Variants in FHIT observed in about 807,000 individuals in gnomAD.
FHIT encodes the protein bis(5'-adenosyl)-triphosphatase.
Under a neutral mutation model 17.9 loss-of-function variants are expected in FHIT, and 19 were observed. That is an observed-to-expected ratio of 1.06 (90% CI 0.74 to 1.56). FHIT has a LOEUF of 1.56. Ranked by LOEUF, FHIT falls within the 40% of genes most tolerant of loss-of-function variation. The pLI is 0.00. For missense variants in FHIT, 248 were observed against 189.2 expected (o/e 1.31, Z -1.82); for synonymous variants, 81 against 69.7 (o/e 1.16, Z -0.81).
chr3:61,032,105 G>C (rs551564374), intron 3 of FHIT, among the ~76,000 whole-genome samples: 1 of 152,312 alleles, frequency 6.6e-6, no homozygotes, highest in South Asian at 2.1e-4. Context: ...CAGAACTGGA[G>C]CTGCTTTGAT....
intron 8 of FHIT, among the ~76,000 whole-genome samples, chr3:59,893,283 C>T (rs1703932146): frequency 6.6e-6 from 1 of 152,178 alleles, no homozygotes; most frequent in Non-Finnish European, 1.5e-5. Context: ...TCCCAGGCCC[C>T]ATCTACCAGT....
At chr3:60,532,606 G>A (rs2035826735) in intron 5 of FHIT, among the ~76,000 whole-genome samples, 1 of 152,156 alleles carries the variant, frequency 6.6e-6, no homozygotes, top group Non-Finnish European at 1.5e-5. Context: ...ATGGATTAAA[G>A]ACATTCTGAC....
chr3:61,029,356 T>C (rs1436087526), intron 3 of FHIT, among the ~76,000 whole-genome samples: 1 of 152,126 alleles, frequency 6.6e-6, no homozygotes. Context: ...AGATTTAAAC[T>C]CCTCCCCGAG....
chr3:60,567,339 G>C (rs1190043114), intron 4 of FHIT, among the ~76,000 whole-genome samples: 2 of 150,464 alleles, frequency 1.3e-5, no homozygotes, highest in Non-Finnish European at 3.0e-5. Flanking sequence ...TGACAAACCT[G>C]ACAAAAGAAA....
chr3:59,952,075 C>A (rs962856600), intron 7 of FHIT, among the ~76,000 whole-genome samples: 24 of 152,132 alleles, frequency 1.6e-4, no homozygotes, highest in African/African-American at 5.8e-4. Context: ...TGAGAATGGT[C>A]CCTCCCACAG....
Position 60,107,081 on chromosome 3 carries a change from T to A in FHIT, c.104-92929A>T, listed in dbSNP as rs181480065. On this transcript the variant is annotated intron_variant, in intron 5 of 9. Coordinates refer to ENST00000492590, the MANE Select transcript of FHIT (RefSeq NM_002012.4). Reference sequence around the variant, plus strand: ...AATTTTACATGCATTTGACAACCAATCTGGGCACTATTTTCCTAGGAAAAG... The same window carrying A: ...AATTTTACATGCATTTGACAACCAAACTGGGCACTATTTTCCTAGGAAAAG... 9.9e-4 allele frequency among the ~76,000 whole-genome samples: 151 copies of A among 151,916 alleles called. 3 individuals are homozygous for A. The highest frequency in any genetic ancestry group is 7.4e-5 in the Non-Finnish European group (5 of 67,958).
At chr3:60,293,499 G>T (rs185122433) in intron 5 of FHIT, among the ~76,000 whole-genome samples, 1 of 152,134 alleles carries the variant, frequency 6.6e-6, no homozygotes, top group African/African-American at 2.4e-5. Context: ...AGCAAACAAC[G>T]TTTTATTCAT....
chr3:60,894,289 T>C (rs1234709676), intron 3 of FHIT, among the ~76,000 whole-genome samples: 2 of 152,220 alleles, frequency 1.3e-5, no homozygotes, highest in African/African-American at 4.8e-5. Context: ...GTGAACATTA[T>C]TGGACACTTT....
intron 2 of FHIT, among the ~76,000 whole-genome samples, chr3:61,117,142 C>T (rs768896004): frequency 3.9e-5 from 6 of 152,154 alleles, no homozygotes; most frequent in Non-Finnish European, 7.3e-5. Context: ...GTTGTATTAT[C>T]TTAAAAGATT....
At chr3:60,693,901 T>C (rs2041052328) in intron 4 of FHIT, among the ~76,000 whole-genome samples, 2 of 152,354 alleles carry the variant, frequency 1.3e-5, no homozygotes, top group South Asian at 4.1e-4. Flanking sequence ...CAGCACTGAA[T>C]AGAAAGAGGC....
chr3:61,032,365 C>G (rs2033049567), intron 3 of FHIT, among the ~76,000 whole-genome samples: 1 of 152,130 alleles, frequency 6.6e-6, no homozygotes, highest in African/African-American at 2.4e-5. Flanking sequence ...TGATAAGGAA[C>G]ATAAGGTGTA....
At chr3:59,864,822 A>AG (rs1559676696) in intron 8 of FHIT, among the ~76,000 whole-genome samples, 3 of 146,860 alleles carry the variant, frequency 2.0e-5, no homozygotes, top group African/African-American at 7.6e-5. Context: ...AATTATATGA[A>AG]AGAGAGAGAG....
intron 4 of FHIT, among the ~76,000 whole-genome samples, chr3:60,771,285 ATC>A (rs369948623): frequency 3.3e-5 from 5 of 151,108 alleles, no homozygotes; most frequent in Non-Finnish European, 3.0e-5. Flanking sequence ...AGTAATATTT[ATC>A]TCTCTCTCTC....
At chr3:60,097,526 A>C (rs1704005614) in intron 5 of FHIT, among the ~76,000 whole-genome samples, 1 of 152,002 alleles carries the variant, frequency 6.6e-6, no homozygotes, top group Non-Finnish European at 1.5e-5. Context: ...TCACCTTCAC[A>C]ACCTCTGAGA....
At chr3:60,228,466 TTTTGGTATGTGAATTA>T (rs1259365969) in intron 5 of FHIT, among the ~76,000 whole-genome samples, 13 of 152,166 alleles carry the variant, frequency 8.5e-5, no homozygotes, top group African/African-American at 3.1e-4. Flanking sequence ...AGGTGAATTT[TTTTGGTATGTGAATTA>T]TATCTACTAA....
rs572398106 is a variant in FHIT, at chr3:61,130,251, C to T, written c.-164+70366G>A. Among the ~76,000 whole-genome samples, 207 of 152,308 alleles carry T rather than the reference C, an allele frequency of 1.4e-3. 1 individual carries two copies. Among genetic ancestry groups the T allele is most frequent in the African/African-American group, 4.9e-3 (203 of 41,582 alleles). On this transcript the variant is annotated intron_variant, in intron 2 of 9. Coordinates refer to ENST00000492590, the MANE Select transcript of FHIT (RefSeq NM_002012.4). ...ACCTAAGAATGTCCAGGGAAAACTT[C>T]CTTTGCAAAAAGAACCTGTTTCTGC...
intron 4 of FHIT, among the ~76,000 whole-genome samples, chr3:60,744,086 T>TA (rs1203992537): frequency 1.3e-5 from 2 of 151,944 alleles, no homozygotes; most frequent in Admixed American, 1.3e-4. Flanking sequence ...CAAATCTGCC[T>TA]AGAGACACAG....
At chr3:59,985,870 G>T (rs983972661) in intron 7 of FHIT, among the ~76,000 whole-genome samples, 7 of 151,970 alleles carry the variant, frequency 4.6e-5, no homozygotes, top group African/African-American at 1.5e-4. Flanking sequence ...ACTGGGTACT[G>T]GAAATGAAAC....
chr3:60,467,803 G>A (rs437784), intron 5 of FHIT, among the ~76,000 whole-genome samples: 63,698 of 151,868 alleles, frequency 0.42, 14,114 homozygotes, highest in Middle Eastern at 0.58. Context: ...TGGATAAAAT[G>A]TTCTGTAAAT....
Sources: allele counts gnomAD v4.1 joint callset (sites outside exome capture counted in the v4.1 genomes callset), GRCh38; gene constraint gnomAD v4.1.1; transcripts MANE v1.5; gene names NCBI Gene and HGNC (gene_info 2026-07-23, HGNC 2026-07-21).